ADGRL3: variants seen among roughly 807,000 people sequenced by gnomAD.
ADGRL3 encodes calcium-independent alpha-latrotoxin receptor 3.
In ADGRL3, 62 loss-of-function variants were observed where a neutral mutation model predicts 153.5. The observed-to-expected ratio is 0.40, with a 90% CI of 0.33 to 0.50. The LOEUF (loss-of-function observed/expected upper bound fraction) is 0.50, where lower values mean the gene tolerates loss of function less well. ADGRL3 is among the 20% of genes least tolerant of loss of function. The pLI, the probability that ADGRL3 is intolerant of heterozygous loss-of-function variation, is 0.47. For synonymous variants in ADGRL3, 710 were observed against 672.5 expected, an observed-to-expected ratio of 1.06 and a Z score of -0.86; for missense variants, 1,641 against 1,859.4, an observed-to-expected ratio of 0.88 and a Z score of 2.16.
intron 8 of ADGRL3, among the ~76,000 whole-genome samples, chr4:61,801,188 G>A (rs2097491955): frequency 6.6e-6 from 1 of 152,096 alleles, no homozygotes. Context: ...AATAAGGTTA[G>A]TGATTGGTAC....
intron 9 of ADGRL3, among the ~76,000 whole-genome samples, chr4:61,883,488 A>G (rs2098520194): frequency 6.6e-6 from 1 of 152,288 alleles, no homozygotes; most frequent in South Asian, 2.1e-4. Flanking sequence ...TTAAATGCAT[A>G]TTTCCATTAT....
In ADGRL3 at chr4:61,699,627, A is replaced by G. The variant is rs558047538; in HGVS notation, c.583+22692A>G. ...TGAAATTGGGGATATAGAAGAGTTA[A>G]TAGACCCATTAGGATTTTTATTTCT... On this transcript the variant is annotated intron_variant, in intron 6 of 26. Coordinates refer to ENST00000683033, the MANE Select transcript of ADGRL3 (RefSeq NM_001387552.1). 1.5e-4 allele frequency among the ~76,000 whole-genome samples: 23 copies of G among 152,248 alleles called. No individual in the cohort carries two copies. In the East Asian group the frequency reaches 3.7e-3, roughly 24 times the overall value.
intron 1 of ADGRL3, among the ~76,000 whole-genome samples, chr4:61,374,228 T>G (rs1456860): frequency 0.62 from 93,963 of 151,928 alleles, 29,273 homozygotes; most frequent in Middle Eastern, 0.79. Context: ...TTGAATAGTA[T>G]AACTATTTCC....
At chr4:61,847,986 TTA>T (rs1462281224) in intron 9 of ADGRL3, among the ~76,000 whole-genome samples, 636 of 10,800 alleles carry the variant, frequency 0.059, 39 homozygotes, top group East Asian at 0.13. Context: ...ATAAAATATA[TTA>T]TATATATAAT....
chr4:61,672,796 A>G (rs913365538), intron 5 of ADGRL3, among the ~76,000 whole-genome samples: 2 of 152,026 alleles, frequency 1.3e-5, no homozygotes, highest in African/African-American at 2.4e-5. Flanking sequence ...TAGAACTACC[A>G]TATGTTCCAG....
At chr4:61,860,869 A>G (rs990302035) in intron 9 of ADGRL3, among the ~76,000 whole-genome samples, 5 of 152,202 alleles carry the variant, frequency 3.3e-5, no homozygotes, top group African/African-American at 1.2e-4. Context: ...GCAAGTGCAA[A>G]GTAACATAAC....
chr4:61,957,433 C>A (rs2098971330), intron 17 of ADGRL3, among the ~76,000 whole-genome samples: 1 of 151,820 alleles, frequency 6.6e-6, no homozygotes, highest in Admixed American at 6.6e-5. Flanking sequence ...GTAGTTATGC[C>A]TGGCCATCTC....
intron 2 of ADGRL3, among the ~76,000 whole-genome samples, chr4:61,467,912 A>G (rs1450401721): frequency 2.0e-5 from 3 of 152,162 alleles, no homozygotes; most frequent in Non-Finnish European, 2.9e-5. Context: ...ATAATTTGGC[A>G]TTAAGTAATT....
chr4:61,983,678 T>C, intron 19 of ADGRL3, 75 bp downstream of exon 19: 2 of 1,273,156 alleles, frequency 1.6e-6, no homozygotes, highest in Non-Finnish European at 2.2e-6. Flanking sequence ...GCAAAGGTCT[T>C]TATATTACCT....
intron 5 of ADGRL3, among the ~76,000 whole-genome samples, chr4:61,660,395 TA>T (rs1349142115): frequency 6.6e-6 from 1 of 152,130 alleles, no homozygotes; most frequent in African/African-American, 2.4e-5. Flanking sequence ...ATCTTTTTCT[TA>T]AAGCATATAT....
chr4:61,958,072 A>G (rs80087491), intron 17 of ADGRL3, among the ~76,000 whole-genome samples: 2 of 152,296 alleles, frequency 1.3e-5, no homozygotes, highest in East Asian at 1.9e-4. Flanking sequence ...TTCTTTTCAC[A>G]TATTTCTGAA....
chr4:61,253,225 C>T (rs2091629567), intron 1 of ADGRL3, among the ~76,000 whole-genome samples: 1 of 152,176 alleles, frequency 6.6e-6, no homozygotes, highest in Non-Finnish European at 1.5e-5. Context: ...TTTGCAAACA[C>T]AGCAAAGTTA....
intron 9 of ADGRL3, among the ~76,000 whole-genome samples, chr4:61,873,634 G>C (rs974864535): frequency 6.6e-6 from 1 of 152,066 alleles, no homozygotes; most frequent in Non-Finnish European, 1.5e-5. Context: ...GCCATTTCAT[G>C]TTTAGATTAT....
At chr4:61,697,837 C>T (rs375521234) in intron 6 of ADGRL3, among the ~76,000 whole-genome samples, 30 of 152,052 alleles carry the variant, frequency 2.0e-4, no homozygotes, top group Admixed American at 6.6e-4. Flanking sequence ...ACTTTGGTTA[C>T]GCTTAAGGGA....
At chr4:62,067,532 ACCTT>A (rs1743611824) in intron 25 of ADGRL3, among the ~76,000 whole-genome samples, 1 of 151,984 alleles carries the variant, frequency 6.6e-6, no homozygotes, top group Admixed American at 6.6e-5. Flanking sequence ...TAGTTACACA[ACCTT>A]TGAATATGAG....
Position 61,456,458 on chromosome 4 carries a change from T to TATAGATATATCTATATCTATAG in ADGRL3, c.-173-40660_-173-40659insGATATATCTATATCTATAGATA, listed in dbSNP as rs1553934156. Among the ~76,000 whole-genome samples the TATAGATATATCTATATCTATAG allele has an allele frequency of 2.5e-4, 32 of 126,638 alleles. 1 individual carries two copies. Among genetic ancestry groups the TATAGATATATCTATATCTATAG allele is most frequent in the African/African-American group, 9.4e-4 (31 of 32,882 alleles). The allele number at this position is 126,638 out of a possible 152,430, so 83.1% of individuals were successfully genotyped here. On this transcript the variant is annotated intron_variant, in intron 2 of 26. Transcript: ENST00000683033. Reference sequence around the variant, plus strand: ...ATATATAGATATATCTATATCTATATATATAGATATATCTATATCTATATA... The same window carrying TATAGATATATCTATATCTATAG: ...ATATATAGATATATCTATATCTATATATAGATATATCTATATCTATAGATATAGATATATCTATATCTATATA...
At chr4:61,601,411 A>G (rs1194781160) in intron 5 of ADGRL3, among the ~76,000 whole-genome samples, 1 of 152,148 alleles carries the variant, frequency 6.6e-6, no homozygotes, top group Non-Finnish European at 1.5e-5. Context: ...TTCCTAATCA[A>G]TTTATGTCAA....
At chr4:61,902,920 C>G (rs1265998471) in intron 11 of ADGRL3, among the ~76,000 whole-genome samples, 4 of 152,136 alleles carry the variant, frequency 2.6e-5, no homozygotes, top group African/African-American at 9.7e-5. Context: ...TAAGCTCCCT[C>G]TTACTAGAAA....
chr4:61,839,244 C>T lies in ADGRL3; in HGVS notation c.1480+25355C>T, dbSNP rs950150299. Among the ~76,000 whole-genome samples the T allele has an allele frequency of 5.3e-5, 8 of 152,186 alleles. No individual in the cohort carries two copies. The South Asian group carries it at 1.5e-3, about 28-fold the overall frequency. On this transcript the variant is annotated intron_variant, in intron 9 of 26. Coordinates refer to ENST00000683033, the MANE Select transcript of ADGRL3 (RefSeq NM_001387552.1). The stretch of plus-strand genomic sequence containing the variant: ...TTACTCTGTCACCCAGGCTGGAGTA[C>T]AGTGACACTTGTCACAGCTCACTGC...
Sources: allele counts gnomAD v4.1 joint callset (sites outside exome capture counted in the v4.1 genomes callset), GRCh38; gene constraint gnomAD v4.1.1; transcripts MANE v1.5; gene names NCBI Gene and HGNC (gene_info 2026-07-23, HGNC 2026-07-21).